Variants in ITPR2 observed in about 807,000 individuals in gnomAD.
ITPR2 encodes inositol 1,4,5-trisphosphate receptor type 2, also known as inositol 1,4,5-trisphosphate-gated calcium channel ITPR2.
In ITPR2, 207 loss-of-function variants were observed where a neutral mutation model predicts 317.1. That is an observed-to-expected ratio of 0.65 (90% CI 0.58 to 0.73). The LOEUF (loss-of-function observed/expected upper bound fraction) is 0.73. Among genes scored for constraint, ITPR2 ranks in the 30% least tolerant of loss-of-function variants. The probability of loss-of-function intolerance (pLI) is 0.00; values close to 1 mark genes in which losing one functional copy is unlikely to be tolerated. For missense variants in ITPR2, 2,613 were observed against 3,284.0 expected (o/e 0.80, Z 4.99); for synonymous variants, 1,156 against 1,149.1 (o/e 1.01, Z -0.12).
At chr12:26,537,981 A>G (rs1165097285) in intron 37 of ITPR2, among the ~76,000 whole-genome samples, 1 of 152,240 alleles carries the variant, frequency 6.6e-6, no homozygotes, top group Non-Finnish European at 1.5e-5. Flanking sequence ...ATCATTATAC[A>G]TAAAAAATAT....
chr12:26,600,716 A>G (rs1255649978), intron 28 of ITPR2, among the ~76,000 whole-genome samples: 1 of 94,096 alleles, frequency 1.1e-5, no homozygotes, highest in Non-Finnish European at 2.4e-5. Flanking sequence ...CTCTTTTCCT[A>G]TCTATTATTT....
intron 21 of ITPR2, among the ~76,000 whole-genome samples, chr12:26,642,145 G>C (rs1947005134): frequency 6.6e-6 from 1 of 152,022 alleles, no homozygotes; most frequent in Admixed American, 6.6e-5. Flanking sequence ...AGTGATTCTG[G>C]GGCACCTGGA....
At chr12:26,639,907 T>A in intron 21 of ITPR2, among the ~76,000 whole-genome samples, 1 of 152,186 alleles carries the variant, frequency 6.6e-6, no homozygotes, top group East Asian at 1.9e-4. Flanking sequence ...TCTTTGCTAC[T>A]GTGAATAGTG....
intron 21 of ITPR2, among the ~76,000 whole-genome samples, chr12:26,646,956 G>T (rs576888521): frequency 1.3e-5 from 2 of 152,198 alleles, no homozygotes; most frequent in Non-Finnish European, 2.9e-5. Flanking sequence ...AAGCTATGAA[G>T]AAACTATTTA....
At chr12:26,659,456 A>T (rs1375146235) in intron 15 of ITPR2, among the ~76,000 whole-genome samples, 171 bp from the exon 16 acceptor site, 1 of 152,278 alleles carries the variant, frequency 6.6e-6, no homozygotes, top group Non-Finnish European at 1.5e-5. Context: ...GAGGAAAGAC[A>T]TGAAAACATA....
chr12:26,515,333 G>A (rs1943456846), intron 37 of ITPR2, among the ~76,000 whole-genome samples: 1 of 152,102 alleles, frequency 6.6e-6, no homozygotes. Context: ...GTGATTTTCT[G>A]GGGCAAGTGT....
intron 37 of ITPR2, among the ~76,000 whole-genome samples, chr12:26,522,558 A>T (rs1943692798): frequency 6.6e-6 from 1 of 152,210 alleles, no homozygotes; most frequent in Non-Finnish European, 1.5e-5. Flanking sequence ...GACCCCAAGC[A>T]GTTCATTATG....
At chr12:26,699,304 C>T (rs1385362191) in intron 9 of ITPR2, among the ~76,000 whole-genome samples, 9 of 152,076 alleles carry the variant, frequency 5.9e-5, no homozygotes, top group Non-Finnish European at 1.2e-4. Context: ...TCAGTCTTTA[C>T]GTATTTCCCC....
chr12:26,377,712 C>G (rs1304198614), intron 55 of ITPR2, among the ~76,000 whole-genome samples: 1 of 152,190 alleles, frequency 6.6e-6, no homozygotes, highest in African/African-American at 2.4e-5. Context: ...GGATTTGCAT[C>G]CTAGTTCAAG....
intron 37 of ITPR2, among the ~76,000 whole-genome samples, chr12:26,513,786 C>T (rs910063455): frequency 4.6e-5 from 7 of 151,108 alleles, no homozygotes; most frequent in African/African-American, 1.7e-4. Flanking sequence ...ACATGCAACC[C>T]TACATTTTTC....
chr12:26,525,599 A>C, intron 37 of ITPR2, among the ~76,000 whole-genome samples: 1 of 152,248 alleles, frequency 6.6e-6, no homozygotes, highest in African/African-American at 2.4e-5. Flanking sequence ...TTATTCTCCA[A>C]ATTCATATAT....
intron 37 of ITPR2, among the ~76,000 whole-genome samples, chr12:26,495,801 C>G (rs1444050931): frequency 1.3e-5 from 2 of 152,054 alleles, no homozygotes; most frequent in East Asian, 3.9e-4. Flanking sequence ...AAGCAAAGGG[C>G]TTAGGTAGAG....
chr12:26,725,906 C>CTCT (rs1948912091), intron 2 of ITPR2, 141 bp from the exon 3 acceptor site: 3 of 593,174 alleles, frequency 5.1e-6, no homozygotes, highest in Admixed American at 3.0e-5. Context: ...CTCCAGCCAA[C>CTCT]TCTCCATTCA....
chr12:26,440,663 A>G (rs1235864649), intron 46 of ITPR2, among the ~76,000 whole-genome samples: 1 of 152,226 alleles, frequency 6.6e-6, no homozygotes, highest in African/African-American at 2.4e-5. Context: ...CATATAGGTT[A>G]CAAAAATCAA....
chr12:26,345,812 T>C (rs149483519), intron 55 of ITPR2, among the ~76,000 whole-genome samples: 27 of 152,306 alleles, frequency 1.8e-4, no homozygotes, highest in Non-Finnish European at 2.8e-4. Context: ...ACAGAGAAGA[T>C]ACTAGTTAAC....
chr12:26,708,346 T>G (rs1948592635), intron 9 of ITPR2, among the ~76,000 whole-genome samples: 1 of 152,178 alleles, frequency 6.6e-6, no homozygotes, highest in Middle Eastern at 3.2e-3. Flanking sequence ...GGAATCAACC[T>G]AAGTATACAT....
chr12:26,798,349 T>C (rs1950491048), intron 1 of ITPR2, among the ~76,000 whole-genome samples: 1 of 152,246 alleles, frequency 6.6e-6, no homozygotes, highest in African/African-American at 2.4e-5. Context: ...TTCTTGTTTC[T>C]CTGCTCCTGT....
intron 37 of ITPR2, among the ~76,000 whole-genome samples, chr12:26,516,487 A>G (rs1220112384): frequency 1.3e-5 from 2 of 152,080 alleles, no homozygotes; most frequent in African/African-American, 4.8e-5. Context: ...ACTTCCCATA[A>G]ATTACTGGTT....
intron 13 of ITPR2, among the ~76,000 whole-genome samples, chr12:26,670,003 C>A (rs1318501703): frequency 6.6e-6 from 1 of 152,232 alleles, no homozygotes; most frequent in African/African-American, 2.4e-5. Context: ...GGGAGGGGTG[C>A]CCGCCATTGC....
Sources: allele counts gnomAD v4.1 joint callset (sites outside exome capture counted in the v4.1 genomes callset), GRCh38; gene constraint gnomAD v4.1.1; transcripts MANE v1.5; gene names NCBI Gene and HGNC (gene_info 2026-07-23, HGNC 2026-07-21).